The following LEF1 variants were observed in gnomAD, a reference collection of about 807,000 sequenced individuals.
The protein encoded by LEF1 is lymphoid enhancer binding factor 1.
LEF1 carries 14 observed loss-of-function variants against 51.2 expected under a neutral mutation model. That is an observed-to-expected ratio of 0.27 (90% CI 0.18 to 0.43). The LOEUF (loss-of-function observed/expected upper bound fraction) is 0.43, where lower values mean the gene tolerates loss of function less well. Ranked by LOEUF, LEF1 falls within the 20% of genes least tolerant of loss-of-function variation. The pLI, the probability that LEF1 is intolerant of heterozygous loss-of-function variation, is 1.00. For missense variants in LEF1, 386 were observed against 512.0 expected, an observed-to-expected ratio of 0.75 and a Z score of 2.37; for synonymous variants, 185 against 183.2, an observed-to-expected ratio of 1.01 and a Z score of -0.08.
chr4:108,056,678 A>C (rs375243992), intron 11 of LEF1, among the ~76,000 whole-genome samples: 28 of 152,310 alleles, frequency 1.8e-4, no homozygotes, highest in African/African-American at 6.5e-4. Context: ...ATTTCTGAAC[A>C]CAAGCATAAA....
intron 3 of LEF1, among the ~76,000 whole-genome samples, chr4:108,091,971 ATAAAGAG>A (rs1410008290): frequency 6.6e-6 from 1 of 152,234 alleles, no homozygotes; most frequent in Non-Finnish European, 1.5e-5. Context: ...TAGGGTACTT[ATAAAGAG>A]TAAACACTGT....
At chr4:108,078,845 A>G (rs1739089710) in intron 7 of LEF1, among the ~76,000 whole-genome samples, 1 of 152,096 alleles carries the variant, frequency 6.6e-6, no homozygotes, top group Non-Finnish European at 1.5e-5. Flanking sequence ...AAATCTTTAG[A>G]CCTTTTCCCC....
At chr4:108,163,311 ACTT>A (rs1745177838) in intron 3 of LEF1, among the ~76,000 whole-genome samples, 1 of 152,142 alleles carries the variant, frequency 6.6e-6, no homozygotes, top group African/African-American at 2.4e-5. Context: ...TGTTGATGTA[ACTT>A]CACTTGATTT....
At chr4:108,138,049 C>A (rs1743409496) in intron 3 of LEF1, among the ~76,000 whole-genome samples, 1 of 152,110 alleles carries the variant, frequency 6.6e-6, no homozygotes, top group Non-Finnish European at 1.5e-5. Context: ...GATTATGCAG[C>A]CTTTAGGATG....
rs750301792 is a variant in LEF1, at chr4:108,148,689, G to A, written c.414+14879C>T. On this transcript the variant is annotated intron_variant, in intron 3 of 11. Transcript: ENST00000265165. Reference sequence around the variant, plus strand: ...ATAAGTATCTTCAATGAATATTTACGGAATGAATGATAAATCATTCCTGAA... The same window carrying A: ...ATAAGTATCTTCAATGAATATTTACAGAATGAATGATAAATCATTCCTGAA... 2.6e-5 allele frequency among the ~76,000 whole-genome samples: 4 copies of A among 152,048 alleles called. 1 individual carries two copies. The South Asian group carries it at 6.2e-4, about 24-fold the overall frequency.
chr4:108,100,047 C>T (rs948723673), intron 3 of LEF1, among the ~76,000 whole-genome samples: 1 of 152,056 alleles, frequency 6.6e-6, no homozygotes, highest in Non-Finnish European at 1.5e-5. Flanking sequence ...AAAAGCAGAG[C>T]TTATCTTGAG....
Position 108,167,476 on chromosome 4 carries a change from G to A in LEF1, c.213+79C>T, listed in dbSNP as rs1745487436. 4 of 1,460,746 alleles carry A rather than the reference G, an allele frequency of 2.7e-6. No individual in the cohort carries two copies. The highest frequency in any genetic ancestry group is 1.4e-5 in the African/African-American group (1 of 71,592). 90.5% of individuals were successfully genotyped at this position (1,460,746 alleles called of 1,614,324 possible). ...GGGACCCTCAGCCGGGCGGCCGGGCGCCTTCGTTCCCTTCCTCCCTCTCTG... is the reference window on the plus strand; with the variant it reads ...GGGACCCTCAGCCGGGCGGCCGGGCACCTTCGTTCCCTTCCTCCCTCTCTG... On this transcript the variant is annotated intron_variant, in intron 1 of 11. Transcript: ENST00000265165. The surrounding 1 kb of genome is among the most constrained non-coding windows in gnomAD (Gnocchi z 5.7).
At chr4:108,119,047 C>T (rs1014881767) in intron 3 of LEF1, among the ~76,000 whole-genome samples, 2 of 150,928 alleles carry the variant, frequency 1.3e-5, no homozygotes, top group Non-Finnish European at 1.5e-5. Context: ...GCAACTTACA[C>T]CAAAGAAAAA....
intron 3 of LEF1, among the ~76,000 whole-genome samples, chr4:108,150,251 G>C (rs979806186): frequency 2.6e-5 from 4 of 152,178 alleles, no homozygotes; most frequent in Non-Finnish European, 5.9e-5. Flanking sequence ...CAGTTCTTAT[G>C]TAATAAGGAG....
At chr4:108,109,262 C>G (rs762213354) in intron 3 of LEF1, among the ~76,000 whole-genome samples, 2 of 152,174 alleles carry the variant, frequency 1.3e-5, no homozygotes, top group Non-Finnish European at 2.9e-5. Flanking sequence ...CCTCGGCGCT[C>G]AATTCATTTC....
Position 108,089,275 on chromosome 4 carries a change from G to C in LEF1, c.415-18C>G. 1.2e-6 allele frequency: 2 copies of C among 1,610,254 alleles called. No homozygotes were observed. The highest frequency in any genetic ancestry group is 2.2e-5 in the South Asian group (2 of 90,806). On this transcript the variant is annotated intron_variant, in intron 3 of 11. Transcript: ENST00000265165. ...TTATTTGACTGCAAAGTAACCACAA[G>C]GTCAATAGTTAATATGGATGCCCAG...
intron 11 of LEF1, among the ~76,000 whole-genome samples, chr4:108,058,904 G>A (rs1202494249): frequency 2.6e-5 from 4 of 152,176 alleles, no homozygotes; most frequent in Non-Finnish European, 5.9e-5. Context: ...GCTGGACAAA[G>A]GACAGTGTGT....
chr4:108,099,265 T>C (rs1430063822), intron 3 of LEF1, among the ~76,000 whole-genome samples: 3 of 152,054 alleles, frequency 2.0e-5, no homozygotes, highest in African/African-American at 7.2e-5. Context: ...TACATTTCTA[T>C]CAGGCAGTTC....
At chr4:108,069,629 A>T (rs1359883679) in intron 9 of LEF1, among the ~76,000 whole-genome samples, 1 of 152,220 alleles carries the variant, frequency 6.6e-6, no homozygotes, top group Non-Finnish European at 1.5e-5. Context: ...AAAATAATAC[A>T]GTCCTTTGGA....
Position 108,145,367 on chromosome 4 carries a change from A to C in LEF1, c.414+18201T>G, listed in dbSNP as rs1466215406. Among the ~76,000 whole-genome samples the C allele has an allele frequency of 2.0e-5, 3 of 152,230 alleles. No individual in the cohort carries two copies. In the East Asian group the frequency reaches 5.8e-4, roughly 29 times the overall value. ...TAATGACACTGGACAAGACTTGTCAAGAAGCTGACCAAAATAACGAGAAAT... is the reference window on the plus strand; with the variant it reads ...TAATGACACTGGACAAGACTTGTCACGAAGCTGACCAAAATAACGAGAAAT... On this transcript the variant is annotated intron_variant, in intron 3 of 11. Transcript: ENST00000265165.
intron 3 of LEF1, among the ~76,000 whole-genome samples, chr4:108,125,252 C>T (rs1742452119): frequency 6.6e-6 from 1 of 152,156 alleles, no homozygotes; most frequent in African/African-American, 2.4e-5. Context: ...CAATCTCTGC[C>T]TCCCAGGTTC....
chr4:108,052,291 A>G (rs1392154630), intron 11 of LEF1, among the ~76,000 whole-genome samples: 1 of 152,180 alleles, frequency 6.6e-6, no homozygotes, highest in Admixed American at 6.5e-5. Flanking sequence ...ATTGGTGAGG[A>G]TACAAAAAAA....
At chr4:108,111,440 ACTC>A (rs1296521153) in intron 3 of LEF1, among the ~76,000 whole-genome samples, 2 of 152,084 alleles carry the variant, frequency 1.3e-5, no homozygotes, top group Non-Finnish European at 2.9e-5. Flanking sequence ...AGGCCACACA[ACTC>A]CTGCCTGAAG....
At chr4:108,068,500 C>T (rs1685708985) in intron 9 of LEF1, among the ~76,000 whole-genome samples, 1 of 152,174 alleles carries the variant, frequency 6.6e-6, no homozygotes, top group Non-Finnish European at 1.5e-5. Flanking sequence ...ATTCATTCCA[C>T]CACTGGGTTG....
Sources: allele counts gnomAD v4.1 joint callset (sites outside exome capture counted in the v4.1 genomes callset), GRCh38; gene constraint gnomAD v4.1.1; non-coding constraint Gnocchi (gnomAD v3.1); transcripts MANE v1.5; gene names NCBI Gene and HGNC (gene_info 2026-07-23, HGNC 2026-07-21).